Variants in AIFM1 observed in about 807,000 individuals in gnomAD.
The protein encoded by AIFM1 is apoptosis inducing factor mitochondria associated 1.
A neutral mutation model predicts 51.7 loss-of-function variants in AIFM1; 3 were observed. The ratio of observed to expected loss-of-function variants is 0.06; its 90% CI spans 0.03 to 0.15. The LOEUF (loss-of-function observed/expected upper bound fraction) is 0.15. Ranked by LOEUF, AIFM1 falls within the 10% of genes least tolerant of loss-of-function variation. The pLI is 1.00. For missense variants in AIFM1, 330 were observed against 476.8 expected, an observed-to-expected ratio of 0.69 and a Z score of 2.87; for synonymous variants, 178 against 179.4, an observed-to-expected ratio of 0.99 and a Z score of 0.06.
rs189152447 is a variant in AIFM1, at chrX:130,157,947, C to A, written c.107-1344G>T. Among the ~76,000 whole-genome samples the A allele has an allele frequency of 4.6e-4, 43 of 92,729 alleles. No homozygotes were observed. In the East Asian group the frequency reaches 0.013, roughly 28 times the overall value. The allele number at this position is 92,729 out of a possible 115,157, so 80.5% of individuals were successfully genotyped here. ...TCCAGCCTGGCAACAGAGTGAGACT[C>A]CGTCTCAAAAAAAAAAAAAAAGAAA... On this transcript the variant is annotated intron_variant, in intron 1 of 15. Transcript: ENST00000287295.
At chrX:130,164,910 T>C (rs1035016465) in intron 1 of AIFM1, among the ~76,000 whole-genome samples, 1 of 111,185 alleles carries the variant, frequency 9.0e-6, no homozygotes, top group Non-Finnish European at 1.9e-5. Context: ...TAAAATTTGA[T>C]GAAACAACTT....
At chrX:130,148,118 G>A (rs1265411117) in intron 3 of AIFM1, among the ~76,000 whole-genome samples, 1 of 112,098 alleles carries the variant, frequency 8.9e-6, no homozygotes, top group East Asian at 2.8e-4. Flanking sequence ...CATTCATCAG[G>A]TCTGAACTGG....
intron 5 of AIFM1, among the ~76,000 whole-genome samples, chrX:130,146,996 C>A (rs2030783174): frequency 9.0e-6 from 1 of 110,951 alleles, no homozygotes; most frequent in Admixed American, 9.6e-5. Context: ...CCCATCTCTA[C>A]TATAAAATAC....
intron 2 of AIFM1, among the ~76,000 whole-genome samples, chrX:130,151,498 A>G (rs984071617): frequency 8.9e-6 from 1 of 111,761 alleles, no homozygotes; most frequent in Non-Finnish European, 1.9e-5. Flanking sequence ...CCATCAGGCA[A>G]TGTGCTGCAA....
chrX:130,163,594 G>A (rs1052763151), intron 1 of AIFM1, among the ~76,000 whole-genome samples: 1 of 112,008 alleles, frequency 8.9e-6, no homozygotes, highest in Non-Finnish European at 1.9e-5. Flanking sequence ...TATGCAAAGA[G>A]ATGGATGGAT....
chrX:130,135,739 A>G (rs1173281246), intron 12 of AIFM1, among the ~76,000 whole-genome samples: 2 of 112,171 alleles, frequency 1.8e-5, no homozygotes, highest in Admixed American at 9.5e-5. Context: ...CAGCAGATCC[A>G]TCTGAAGGCT....
Position 130,165,820 on chromosome X carries a change from G to T in AIFM1, c.-164C>A. 1 of 518,172 alleles carries T rather than the reference G, an allele frequency of 1.9e-6. No homozygotes were observed. The highest frequency in any genetic ancestry group is 3.5e-6 in the Non-Finnish European group (1 of 289,700). The allele number at this position is 518,172 out of a possible 1,213,427, so 42.7% of individuals were successfully genotyped here. On this transcript the variant is annotated 5_prime_UTR_variant, in exon 1 of 16. Transcript: ENST00000287295. Reference sequence around the variant, plus strand: ...GGGCATTGGACAGAGAAGCCGGCCTGCTAGAGCCGGGGAAGGGGAACGGCG... The same window carrying T: ...GGGCATTGGACAGAGAAGCCGGCCTTCTAGAGCCGGGGAAGGGGAACGGCG...
At chrX:130,153,029 A>T (rs1192192087) in intron 2 of AIFM1, among the ~76,000 whole-genome samples, 7 of 110,881 alleles carry the variant, frequency 6.3e-5, no homozygotes, top group African/African-American at 2.3e-4. Context: ...CATGGTAAAA[A>T]TTTTTAAAAG....
At chrX:130,141,220 C>T (rs933232711) in intron 6 of AIFM1, among the ~76,000 whole-genome samples, 1 of 112,100 alleles carries the variant, frequency 8.9e-6, no homozygotes, top group Non-Finnish European at 1.9e-5. Flanking sequence ...AGTTCTTGAC[C>T]TAAAGCGATC....
intron 13 of AIFM1, 54 bp downstream of exon 13, chrX:130,133,259 T>C (rs1167006769): frequency 1.4e-5 from 17 of 1,193,085 alleles, no homozygotes; most frequent in Non-Finnish European, 1.1e-6. Flanking sequence ...TGTGTTATGG[T>C]CCTAGAGATA....
In AIFM1 at chrX:130,149,608, A is replaced by G. The variant is rs369197807; in HGVS notation, c.250-40T>C. ...ATGGAGAAAGTTTATTTCACCATAC[A>G]GCTAGCTCATACTGTAAGTAATATT... is the stretch of plus-strand genomic sequence containing the variant. On this transcript the variant is annotated intron_variant, in intron 2 of 15. Coordinates refer to ENST00000287295, the MANE Select transcript of AIFM1 (RefSeq NM_004208.4). 26 of 941,322 alleles carry G rather than the reference A, an allele frequency of 2.8e-5. No homozygotes were observed. In the Middle Eastern group the frequency reaches 1.0e-3, roughly 38 times the overall value. The allele number at this position is 941,322 out of a possible 1,213,427, so 77.6% of individuals were successfully genotyped here.
chrX:130,165,703 C>G lies in AIFM1; in HGVS notation c.-47G>C. On this transcript the variant is annotated 5_prime_UTR_variant, in exon 1 of 16. Coordinates refer to ENST00000287295, the MANE Select transcript of AIFM1 (RefSeq NM_004208.4). The stretch of plus-strand genomic sequence containing the variant: ...CCTCCTCCTTCCCTTTCCTCTCACG[C>G]ACGACCGACGGGTCAAACACCGTGA... 1 of 1,066,809 alleles carries G rather than the reference C, an allele frequency of 9.4e-7. No individual in the cohort carries two copies. The highest frequency in any genetic ancestry group is 1.3e-6 in the Non-Finnish European group (1 of 779,455). 87.9% of individuals were successfully genotyped at this position (1,066,809 alleles called of 1,213,427 possible).
intron 14 of AIFM1, among the ~76,000 whole-genome samples, chrX:130,130,457 T>C (rs1352828710): frequency 8.9e-6 from 1 of 112,116 alleles, no homozygotes; most frequent in Non-Finnish European, 1.9e-5. Flanking sequence ...TATTTCCTGG[T>C]ATCTGGATTT....
intron 1 of AIFM1, among the ~76,000 whole-genome samples, chrX:130,159,931 C>T (rs1159557655): frequency 9.1e-6 from 1 of 110,227 alleles, no homozygotes; most frequent in African/African-American, 3.3e-5. Flanking sequence ...AGCCATTCAC[C>T]AGCCTCAGCC....
intron 1 of AIFM1, among the ~76,000 whole-genome samples, chrX:130,158,389 T>C (rs2031239350): frequency 8.9e-6 from 1 of 112,461 alleles, no homozygotes; most frequent in Non-Finnish European, 1.9e-5. Flanking sequence ...GACCCCGATC[T>C]AGAGCAGTGG....
At chrX:130,156,115 G>A (rs765837848) in intron 2 of AIFM1, among the ~76,000 whole-genome samples, 1 of 111,951 alleles carries the variant, frequency 8.9e-6, no homozygotes, top group South Asian at 3.7e-4. Flanking sequence ...GTGCTAAGGA[G>A]CTGCAATGGA....
At position 130,130,254 on chromosome X, in the gene AIFM1, T is replaced by C. The variant is rs1010325494; in HGVS notation, c.1574-88A>G. 4.8e-6 allele frequency: 5 copies of C among 1,039,873 alleles called. No homozygotes were observed. In the African/African-American group the frequency reaches 9.3e-5, roughly 19 times the overall value. 85.7% of individuals were successfully genotyped at this position (1,039,873 alleles called of 1,213,427 possible). A position where few individuals can be genotyped will look rare whatever the true frequency, so the allele number is the denominator to read the frequency against. On this transcript the variant is annotated intron_variant, in intron 14 of 15. Coordinates refer to ENST00000287295, the MANE Select transcript of AIFM1 (RefSeq NM_004208.4). ...CTTGGGAAATTCTAGAAGCCAACAGTCTTTCGAGGCCTGCTTCAAGCTACT... is the reference window on the plus strand; with the variant it reads ...CTTGGGAAATTCTAGAAGCCAACAGCCTTTCGAGGCCTGCTTCAAGCTACT...
At chrX:130,163,925 G>A (rs760319650) in intron 1 of AIFM1, among the ~76,000 whole-genome samples, 48 of 107,935 alleles carry the variant, frequency 4.4e-4, no homozygotes, top group African/African-American at 1.6e-3. Flanking sequence ...GGAGGCCGAG[G>A]TGGGCGGATC....
At chrX:130,148,599 C>T (rs1377160047) in intron 3 of AIFM1, among the ~76,000 whole-genome samples, 6 of 110,424 alleles carry the variant, frequency 5.4e-5, no homozygotes, top group East Asian at 2.9e-4. Context: ...TTTGGGAGGC[C>T]GAAGCAGGCG....
Sources: allele counts gnomAD v4.1 joint callset (sites outside exome capture counted in the v4.1 genomes callset), GRCh38; gene constraint gnomAD v4.1.1; transcripts MANE v1.5; gene names NCBI Gene and HGNC (gene_info 2026-07-23, HGNC 2026-07-21).